Variants in SETD2 observed in about 807,000 individuals in gnomAD.
The protein encoded by SETD2 is SET domain containing 2, histone lysine methyltransferase.
In SETD2, 31 loss-of-function variants were observed where a neutral mutation model predicts 242.1. The observed-to-expected ratio is 0.13, with a 90% CI of 0.10 to 0.17. The LOEUF is 0.17. Ranked by LOEUF, SETD2 falls within the 10% of genes least tolerant of loss-of-function variation. The pLI, the probability that SETD2 is intolerant of heterozygous loss-of-function variation, is 1.00. For missense variants in SETD2, 2,481 were observed against 3,046.3 expected, an observed-to-expected ratio of 0.81 and a Z score of 4.37; for synonymous variants, 1,006 against 1,066.5, an observed-to-expected ratio of 0.94 and a Z score of 1.11.
chr3:47,018,767 G>C (rs1185885977), intron 19 of SETD2, among the ~76,000 whole-genome samples: 2 of 152,150 alleles, frequency 1.3e-5, no homozygotes, highest in East Asian at 3.8e-4. Flanking sequence ...ATATGAAGAA[G>C]AACAATACCA....
At chr3:47,102,637 T>TA (rs2042259227) in intron 7 of SETD2, among the ~76,000 whole-genome samples, 1 of 151,758 alleles carries the variant, frequency 6.6e-6, no homozygotes, top group Non-Finnish European at 1.5e-5. Flanking sequence ...CTAAAAATAC[T>TA]AAAAAAATTA....
At chr3:47,102,669 G>T (rs1442662368) in intron 7 of SETD2, among the ~76,000 whole-genome samples, 1 of 150,416 alleles carries the variant, frequency 6.6e-6, no homozygotes, top group Non-Finnish European at 1.5e-5. Flanking sequence ...TGGCACGCAC[G>T]TGTAATCCCA....
intron 18 of SETD2, among the ~76,000 whole-genome samples, chr3:47,032,064 T>C (rs1197007477): frequency 2.6e-5 from 4 of 152,168 alleles, no homozygotes; most frequent in Non-Finnish European, 5.9e-5. Context: ...AATTCCATGG[T>C]ATATTTGTGA....
Position 47,046,543 on chromosome 3 carries a change from G to T in SETD2, c.7042C>A (p.Pro2348Thr), listed in dbSNP as rs2107549367. The T allele has an allele frequency of 6.2e-7, 1 of 1,613,250 alleles. No homozygotes were observed. Among genetic ancestry groups the T allele is most frequent in the Non-Finnish European group, 8.5e-7 (1 of 1,179,484 alleles). The change falls in exon 16 of 21, where the codon CCA becomes ACA. Residue 2348 changes from proline (P) to threonine (T), a missense_variant. Physicochemically the swap from Pro to Thr is conservative, Grantham distance 38. Coordinates refer to ENST00000409792, the MANE Select transcript of SETD2 (RefSeq NM_014159.7). ...TAHPQGVVVQ[P>T]AAAVTTIVAP... ...ACTATTGTAGTCACTGCTGCGGCTG[G>T]CTGTACCACCACTCCTTGTGGATGA...
Position 47,121,596 on chromosome 3 carries a change from C to T in SETD2, c.3040G>A (p.Gly1014Ser), listed in dbSNP as rs2106655239. ...DLNLTMEDSD[G>S]VTYALKCDSS... ...TCACACTTTAATGCATAAGTTACAC[C>T]ATCACTGTCTTCCATGGTTAAATTC... Residue 1014 changes from glycine to serine, a missense_variant, in exon 3 of 21, where the codon GGT becomes AGT. By Grantham distance (56) the Gly-to-Ser change is moderately conservative. Coordinates refer to ENST00000409792, the MANE Select transcript of SETD2 (RefSeq NM_014159.7). The T allele has an allele frequency of 7.4e-6, 12 of 1,614,110 alleles. No individual in the cohort carries two copies. Among genetic ancestry groups the T allele is most frequent in the Non-Finnish European group, 1.0e-5 (12 of 1,180,018 alleles).
intron 18 of SETD2, among the ~76,000 whole-genome samples, chr3:47,022,073 T>C (rs1160633181): frequency 1.4e-5 from 2 of 146,880 alleles, no homozygotes; most frequent in Non-Finnish European, 3.0e-5. Context: ...CTTGTGCCTG[T>C]AGTCCCAGCT....
At position 47,056,897 on chromosome 3, in the gene SETD2, T is replaced by C. The variant is rs1173959948; in HGVS notation, c.6887A>G (p.Tyr2296Cys). 4 of 1,614,230 alleles carry C rather than the reference T, an allele frequency of 2.5e-6. No homozygotes were observed. The highest frequency in any genetic ancestry group is 3.4e-6 in the Non-Finnish European group (4 of 1,180,014). Reference sequence around the variant, plus strand: ...TGTTGGACATGTCTGTCCTTGATAATATATGGTTGCTTGAGACTGTGCAGG... The same window carrying C: ...TGTTGGACATGTCTGTCCTTGATAACATATGGTTGCTTGAGACTGTGCAGG... Reference protein sequence around the residue: ...YSPAQSQATIYYQGQTCPTVY... With the variant: ...YSPAQSQATICYQGQTCPTVY... The change falls in exon 15 of 21, where the codon TAT (tyrosine) becomes TGT (cysteine). Residue 2296 changes from tyrosine to cysteine, a missense_variant. Physicochemically the swap from Tyr to Cys is radical, Grantham distance 194. This residue lies in a region of SETD2 where 235 missense variants were observed against 293.9 expected (regional missense o/e 0.80). Coordinates refer to ENST00000409792, the MANE Select transcript of SETD2 (RefSeq NM_014159.7).
At chr3:47,077,499 A>G (rs1575735473) in intron 12 of SETD2, among the ~76,000 whole-genome samples, 1 of 152,206 alleles carries the variant, frequency 6.6e-6, no homozygotes, top group African/African-American at 2.4e-5. Context: ...AAGGAATCTC[A>G]AAAGATTCAA....
chr3:47,059,108 CTTTTT>C (rs111615859), intron 14 of SETD2, among the ~76,000 whole-genome samples: 1 of 104,552 alleles, frequency 9.6e-6, no homozygotes, highest in South Asian at 3.1e-4. Flanking sequence ...CACGCCTGGC[CTTTTT>C]TTTTTTTTTT....
At chr3:47,157,537 G>A in intron 1 of SETD2, 1 of 455,956 alleles carries the variant, frequency 2.2e-6, no homozygotes, top group Non-Finnish European at 4.4e-6. Flanking sequence ...CGCCTCATAA[G>A]TACCGTTCTT....
intron 8 of SETD2, among the ~76,000 whole-genome samples, chr3:47,100,925 G>A (rs1381679258): frequency 3.4e-5 from 5 of 147,098 alleles, no homozygotes; most frequent in African/African-American, 1.3e-4. Flanking sequence ...CAGGAGAACG[G>A]CATGAACCTG....
intron 18 of SETD2, among the ~76,000 whole-genome samples, chr3:47,029,590 C>T (rs1188810535): frequency 6.6e-6 from 1 of 151,968 alleles, no homozygotes; most frequent in Admixed American, 6.6e-5. Flanking sequence ...AATCACTGTC[C>T]TATTGTGTTT....
At chr3:47,057,984 G>A (rs545503125) in intron 14 of SETD2, among the ~76,000 whole-genome samples, 1 of 151,874 alleles carries the variant, frequency 6.6e-6, no homozygotes, top group Non-Finnish European at 1.5e-5. Context: ...AAAAGAAAAA[G>A]AAATCCTCAT....
intron 9 of SETD2, among the ~76,000 whole-genome samples, chr3:47,091,505 G>A (rs574060290): frequency 8.5e-5 from 13 of 152,076 alleles, no homozygotes; most frequent in Non-Finnish European, 1.9e-4. Context: ...GCTCACGCCT[G>A]TAATCCCAGC....
intron 17 of SETD2, among the ~76,000 whole-genome samples, chr3:47,038,454 A>G (rs529699103): frequency 2.0e-5 from 3 of 152,192 alleles, no homozygotes; most frequent in African/African-American, 7.2e-5. Flanking sequence ...TCTCTACTAT[A>G]AATACAAAAA....
At position 47,159,586 on chromosome 3, in the gene SETD2, A is replaced by G. The variant is rs556367222; in HGVS notation, c.71+4268T>C. Among the ~76,000 whole-genome samples the G allele has an allele frequency of 7.9e-5, 12 of 152,282 alleles. No homozygotes were observed. The South Asian group carries it at 1.2e-3, about 16-fold the overall frequency. ...AGGCTTCCACTGTTGTTCCCTTTGC[A>G]ATTCAAATGATCCTTTGAAACTGAA... On this transcript the variant is annotated intron_variant, in intron 1 of 20. Transcript: ENST00000409792.
Position 47,149,858 on chromosome 3 carries a change from C to G in SETD2, c.71+13996G>C, listed in dbSNP as rs189528338. Among the ~76,000 whole-genome samples, 218 of 152,134 alleles carry G rather than the reference C, an allele frequency of 1.4e-3. 1 individual carries two copies. The highest frequency in any genetic ancestry group is 5.1e-3 in the African/African-American group (212 of 41,490). On this transcript the variant is annotated intron_variant, in intron 1 of 20. Coordinates refer to ENST00000409792, the MANE Select transcript of SETD2 (RefSeq NM_014159.7). ...TATAATGAAAAGAGTTTAAATATAA[C>G]GTTTTTAATTGCCTCATACAGTTAG...
In SETD2 at chr3:47,121,278, T is replaced by C. The variant is rs1314067079; in HGVS notation, c.3358A>G (p.Ile1120Val). The C allele has an allele frequency of 4.3e-6, 7 of 1,613,660 alleles. No individual in the cohort carries two copies. In the East Asian group the frequency reaches 8.9e-5, roughly 21 times the overall value. ...RHLYEEKFES[I>V]ASKACPQTDK... ...GTTTGAGGACAGGCTTTACTTGCTA[T>C]ACTTTCAAATTTTTCCTCATACAAA... The change falls in exon 3 of 21, where the codon ATA becomes GTA. Residue 1120 changes from isoleucine to valine, a missense_variant. This residue lies in a region of SETD2 where 1,300 missense variants were observed against 1,259.2 expected (regional missense o/e 1.03). Transcript: ENST00000409792.
At chr3:47,069,738 G>T (rs371161572) in intron 12 of SETD2, among the ~76,000 whole-genome samples, 10 of 152,108 alleles carry the variant, frequency 6.6e-5, no homozygotes, top group African/African-American at 2.4e-4. Flanking sequence ...TTACTGAGTT[G>T]TCAATTTCTA....
Sources: allele counts gnomAD v4.1 joint callset (sites outside exome capture counted in the v4.1 genomes callset), GRCh38; gene constraint gnomAD v4.1.1; regional missense constraint gnomAD v4.1.1; transcripts MANE v1.5; gene names NCBI Gene and HGNC (gene_info 2026-07-23, HGNC 2026-07-21).